FUT8: variants seen among roughly 807,000 people sequenced by gnomAD.
FUT8 encodes the protein fucosyltransferase 8, also known as alpha-(1,6)-fucosyltransferase.
FUT8 carries 29 observed loss-of-function variants against 71.3 expected under a neutral mutation model. The ratio of observed to expected loss-of-function variants is 0.41; its 90% CI spans 0.30 to 0.55. The LOEUF is 0.55. FUT8 is among the 20% of genes least tolerant of loss of function. The pLI is 0.34. For missense variants in FUT8, 544 were observed against 702.1 expected (o/e 0.77, Z 2.55); for synonymous variants, 254 against 239.3 (o/e 1.06, Z -0.57).
chr14:65,538,990 T>C (rs1175627023), intron 2 of FUT8, among the ~76,000 whole-genome samples: 1 of 152,150 alleles, frequency 6.6e-6, no homozygotes, highest in Non-Finnish European at 1.5e-5. Flanking sequence ...GAGTTTGGTG[T>C]AGCAAAAAAT....
intron 7 of FUT8, among the ~76,000 whole-genome samples, chr14:65,702,114 G>A (rs1054592363): frequency 1.3e-5 from 2 of 152,202 alleles, no homozygotes; most frequent in African/African-American, 4.8e-5. Flanking sequence ...GGGAGGCCAA[G>A]GTGGGCGGAT....
chr14:65,717,805 G>A (rs529758662), intron 7 of FUT8, among the ~76,000 whole-genome samples: 99 of 152,194 alleles, frequency 6.5e-4, no homozygotes, highest in South Asian at 2.3e-3. Context: ...AGGCAGAGGC[G>A]CTCCTCACCT....
intron 1 of FUT8, among the ~76,000 whole-genome samples, chr14:65,426,573 A>G (rs1389416863): frequency 1.3e-5 from 2 of 152,212 alleles, no homozygotes; most frequent in Non-Finnish European, 2.9e-5. Flanking sequence ...CAAAGTCTGT[A>G]TGGAATTCTC....
intron 3 of FUT8, among the ~76,000 whole-genome samples, chr14:65,592,808 G>A (rs1235858796): frequency 7.9e-5 from 12 of 152,094 alleles, no homozygotes; most frequent in Non-Finnish European, 1.6e-4. Flanking sequence ...ATGTATTTCT[G>A]TCTTTTGTGG....
At chr14:65,566,870 T>C (rs1429469593) in intron 3 of FUT8, among the ~76,000 whole-genome samples, 1 of 151,960 alleles carries the variant, frequency 6.6e-6, no homozygotes, top group Non-Finnish European at 1.5e-5. Context: ...AGTTTAATAA[T>C]GTGAAATAGC....
At chr14:65,395,573 C>G in the FUT8 span, among the ~76,000 whole-genome samples, 4 of 152,246 alleles carry the variant, frequency 2.6e-5, no homozygotes, top group South Asian at 8.3e-4. Context: ...TACCTTGTCC[C>G]CTTTTAACCA....
At chr14:65,374,605 T>G in the FUT8 span, among the ~76,000 whole-genome samples, 10 of 151,826 alleles carry the variant, frequency 6.6e-5, no homozygotes, top group South Asian at 6.3e-4. Context: ...TTTTTTGTTT[T>G]TTTTTTTTTG....
intron 7 of FUT8, among the ~76,000 whole-genome samples, chr14:65,700,559 T>G (rs922087636): frequency 3.3e-5 from 5 of 151,606 alleles, no homozygotes; most frequent in African/African-American, 1.2e-4. Context: ...CCTGGCTAGT[T>G]TTTTGTATTT....
At chr14:65,373,590 C>T in the FUT8 span, among the ~76,000 whole-genome samples, 1 of 152,124 alleles carries the variant, frequency 6.6e-6, no homozygotes, top group Non-Finnish European at 1.5e-5. Context: ...TGCATCTGCT[C>T]ACCTGTGTGC....
intron 1 of FUT8, among the ~76,000 whole-genome samples, chr14:65,423,171 A>G (rs1015666465): frequency 1.3e-5 from 2 of 150,278 alleles, no homozygotes; most frequent in African/African-American, 2.4e-5. Context: ...TTTTTTGTAG[A>G]GACGGGGTTT....
Position 65,612,935 on chromosome 14 carries a change from T to A in FUT8, c.204-3043T>A, listed in dbSNP as rs1042645175. 3.9e-5 allele frequency among the ~76,000 whole-genome samples: 6 copies of A among 152,344 alleles called. 1 individual carries two copies. The South Asian group carries it at 1.2e-3, about 32-fold the overall frequency. Reference sequence around the variant, plus strand: ...AGAAAGCATTCTGTTCCCTAAGTATTCAGAAAAGAGACTGTTCGTGCATAT... The same window carrying A: ...AGAAAGCATTCTGTTCCCTAAGTATACAGAAAAGAGACTGTTCGTGCATAT... On this transcript the variant is annotated intron_variant, in intron 3 of 10. Transcript: ENST00000673929.
In FUT8 at chr14:65,653,675, G is replaced by A. The variant is rs1209863352; in HGVS notation, c.598-15568G>A. On this transcript the variant is annotated intron_variant, in intron 6 of 10. Coordinates refer to ENST00000673929, the MANE Select transcript of FUT8 (RefSeq NM_001371533.1). ...TTGAATGACTCTGGGTTTCTTATCA[G>A]AAAACATGGAAGCCAAGAGAAGTAG... Among the ~76,000 whole-genome samples the A allele has an allele frequency of 2.6e-5, 4 of 152,170 alleles. No individual in the cohort carries two copies. In the East Asian group the frequency reaches 7.7e-4, roughly 29 times the overall value.
At chr14:65,470,621 C>A (rs1460623368) in intron 2 of FUT8, among the ~76,000 whole-genome samples, 1 of 152,190 alleles carries the variant, frequency 6.6e-6, no homozygotes, top group Admixed American at 6.5e-5. Context: ...AACTGTCCGG[C>A]CTGGCTGTTG....
At chr14:65,654,893 G>C (rs1891591821) in intron 6 of FUT8, among the ~76,000 whole-genome samples, 1 of 150,598 alleles carries the variant, frequency 6.6e-6, no homozygotes, top group Non-Finnish European at 1.5e-5. Flanking sequence ...TGGCAGAATG[G>C]TGTTTTTTTG....
At chr14:65,398,396 A>C in the FUT8 span, among the ~76,000 whole-genome samples, 4 of 152,118 alleles carry the variant, frequency 2.6e-5, no homozygotes, top group African/African-American at 9.7e-5. Flanking sequence ...TTATTTATTT[A>C]TTTATTAGAA....
the FUT8 span, among the ~76,000 whole-genome samples, chr14:65,391,459 G>T: frequency 6.6e-6 from 1 of 152,138 alleles, no homozygotes; most frequent in African/African-American, 2.4e-5. Context: ...AGGTTCAAGC[G>T]ATTCTCCTGC....
chr14:65,728,805 G>A (rs1895813246), intron 9 of FUT8, among the ~76,000 whole-genome samples: 1 of 152,146 alleles, frequency 6.6e-6, no homozygotes, highest in Non-Finnish European at 1.5e-5. Flanking sequence ...GGATATATAT[G>A]TATAGCCTAG....
At chr14:65,459,764 GTC>G (rs2065945338) in intron 2 of FUT8, among the ~76,000 whole-genome samples, 1 of 152,060 alleles carries the variant, frequency 6.6e-6, no homozygotes, top group African/African-American at 2.4e-5. Context: ...AAAACTGCTA[GTC>G]TCTTTTATTT....
At chr14:65,581,338 A>T (rs918671976) in intron 3 of FUT8, among the ~76,000 whole-genome samples, 1 of 152,110 alleles carries the variant, frequency 6.6e-6, no homozygotes, top group Non-Finnish European at 1.5e-5. Flanking sequence ...AAGACTAACA[A>T]TGAGTCATCT....
Sources: allele counts gnomAD v4.1 joint callset (sites outside exome capture counted in the v4.1 genomes callset), GRCh38; gene constraint gnomAD v4.1.1; transcripts MANE v1.5; gene names NCBI Gene and HGNC (gene_info 2026-07-23, HGNC 2026-07-21).